XPR1: variants seen among roughly 807,000 people sequenced by gnomAD.
The protein encoded by XPR1 is xenotropic and polytropic retrovirus receptor 1, also known as solute carrier family 53 member 1.
In XPR1, 28 loss-of-function variants were observed where a neutral mutation model predicts 87.5. That is an observed-to-expected ratio of 0.32 (90% CI 0.24 to 0.44). XPR1 has a LOEUF of 0.44. Among genes scored for constraint, XPR1 ranks in the 20% least tolerant of loss-of-function variants. The pLI is 1.00. For missense variants in XPR1, 559 were observed against 862.3 expected (o/e 0.65, Z 4.41); for synonymous variants, 300 against 306.1 (o/e 0.98, Z 0.21).
chr1:180,837,318 C>T (rs1003246261), intron 11 of XPR1, among the ~76,000 whole-genome samples: 1 of 152,200 alleles, frequency 6.6e-6, no homozygotes, highest in South Asian at 2.1e-4. Context: ...ATCTCACTTC[C>T]TTTTAGTAAA....
At chr1:180,852,522 A>G (rs773482480) in intron 11 of XPR1, among the ~76,000 whole-genome samples, 1 of 152,094 alleles carries the variant, frequency 6.6e-6, no homozygotes, top group Non-Finnish European at 1.5e-5. Flanking sequence ...TGAGAGAGAA[A>G]GAGACCACAG....
chr1:180,842,815 T>G (rs1053472094), intron 11 of XPR1, among the ~76,000 whole-genome samples: 2 of 152,232 alleles, frequency 1.3e-5, no homozygotes, highest in African/African-American at 4.8e-5. Context: ...TCTAAAATAT[T>G]TGTAAATTTT....
intron 11 of XPR1, among the ~76,000 whole-genome samples, chr1:180,855,078 GC>G (rs1373333523): frequency 6.6e-6 from 1 of 152,158 alleles, no homozygotes; most frequent in East Asian, 1.9e-4. Flanking sequence ...CTAGAAAAAT[GC>G]TGATGTGAGA....
rs141045170 is a variant in XPR1 at position 180,801,359 on chromosome 1, T to A, written c.224-2029T>A. 2.9e-3 allele frequency among the ~76,000 whole-genome samples: 442 copies of A among 152,236 alleles called. 4 individuals carry two copies. Among genetic ancestry groups the A allele is most frequent in the African/African-American group, 9.6e-3 (400 of 41,544 alleles). On this transcript the variant is annotated intron_variant, in intron 3 of 14. Transcript: ENST00000367590. ...GATTGGTGTTGGAGAGGCGTAAGAG[T>A]GGTCCCTAGGAGCTAAAAGCAGGTC...
chr1:180,785,275 C>A (rs1204026275), intron 2 of XPR1, among the ~76,000 whole-genome samples: 1 of 151,912 alleles, frequency 6.6e-6, no homozygotes. Context: ...GCCTCAGCCT[C>A]CCGAGTAGCT....
At chr1:180,789,732 T>C (rs1042585410) in intron 3 of XPR1, among the ~76,000 whole-genome samples, 2 of 152,036 alleles carry the variant, frequency 1.3e-5, no homozygotes, top group Non-Finnish European at 2.9e-5. Context: ...ATTATTTTCT[T>C]CTCCATCAAT....
chr1:180,714,675 G>C (rs1657928422), intron 2 of XPR1, among the ~76,000 whole-genome samples: 1 of 152,066 alleles, frequency 6.6e-6, no homozygotes, highest in African/African-American at 2.4e-5. Context: ...AAAGTGCTCA[G>C]ATTACAGGTG....
At chr1:180,679,240 G>T (rs1656477505) in intron 1 of XPR1, among the ~76,000 whole-genome samples, 4 of 151,930 alleles carry the variant, frequency 2.6e-5, no homozygotes, top group Admixed American at 2.6e-4. Flanking sequence ...GGGTTACCAT[G>T]GAAGTTTACT....
At chr1:180,879,073 A>G (rs1227259576) in intron 13 of XPR1, among the ~76,000 whole-genome samples, 2 of 152,222 alleles carry the variant, frequency 1.3e-5, no homozygotes, top group Non-Finnish European at 2.9e-5. Context: ...TGCATCTCTG[A>G]TCTTAGTAAA....
At chr1:180,713,520 T>G (rs921246382) in intron 2 of XPR1, among the ~76,000 whole-genome samples, 2 of 152,214 alleles carry the variant, frequency 1.3e-5, no homozygotes, top group South Asian at 4.1e-4. Context: ...GAATCTCTAA[T>G]GCAATGTTGG....
intron 2 of XPR1, among the ~76,000 whole-genome samples, chr1:180,738,653 A>G (rs1339859315): frequency 2.0e-5 from 3 of 152,152 alleles, no homozygotes; most frequent in Non-Finnish European, 4.4e-5. Flanking sequence ...CTATGGGCTC[A>G]TGGTATTAAA....
At chr1:180,779,597 A>G (rs1164711584) in intron 2 of XPR1, among the ~76,000 whole-genome samples, 1 of 151,986 alleles carries the variant, frequency 6.6e-6, no homozygotes, top group African/African-American at 2.4e-5. Context: ...TCTAGTAGAA[A>G]TACAAAAATT....
At chr1:180,738,992 A>AAGTTTTAT (rs1313416159) in intron 2 of XPR1, among the ~76,000 whole-genome samples, 4 of 151,866 alleles carry the variant, frequency 2.6e-5, no homozygotes, top group Admixed American at 2.6e-4. Flanking sequence ...TTTCTTCTAA[A>AAGTTTTAT]AGTTTTATAG....
rs190939416 is a variant in XPR1, at chr1:180,838,136, T to C, written c.1501+1420T>C. Among the ~76,000 whole-genome samples, 442 of 152,270 alleles carry C rather than the reference T, an allele frequency of 2.9e-3. 3 individuals are homozygous for C. The highest frequency in any genetic ancestry group is 9.6e-3 in the African/African-American group (399 of 41,560). On this transcript the variant is annotated intron_variant, in intron 11 of 14. Transcript: ENST00000367590. ...ATAAAGTAAATGGTCTATTAACACA[T>C]ATTTGGTATGTCATGTGTATTATAT...
chr1:180,843,858 A>C (rs1001792349), intron 11 of XPR1, among the ~76,000 whole-genome samples: 2 of 152,334 alleles, frequency 1.3e-5, no homozygotes, highest in Admixed American at 6.5e-5. Flanking sequence ...CAAAAGTTTA[A>C]AGTTTAAAAA....
chr1:180,745,911 A>G (rs1409423283), intron 2 of XPR1, among the ~76,000 whole-genome samples: 6 of 152,214 alleles, frequency 3.9e-5, no homozygotes, highest in African/African-American at 7.2e-5. Flanking sequence ...TTCAGAACCA[A>G]AACTTTGCTT....
chr1:180,704,996 T>C (rs1657511633), intron 2 of XPR1, among the ~76,000 whole-genome samples: 1 of 151,542 alleles, frequency 6.6e-6, no homozygotes, highest in Admixed American at 6.6e-5. Context: ...TAAATGTATA[T>C]ATATATTTTA....
chr1:180,844,730 G>A (rs1316548704), intron 11 of XPR1, among the ~76,000 whole-genome samples: 2 of 152,260 alleles, frequency 1.3e-5, no homozygotes, highest in Non-Finnish European at 2.9e-5. Context: ...CTCACTGCAG[G>A]TTGGGTTTGG....
At chr1:180,719,624 C>T (rs1658112497) in intron 2 of XPR1, among the ~76,000 whole-genome samples, 1 of 151,940 alleles carries the variant, frequency 6.6e-6, no homozygotes, top group East Asian at 1.9e-4. Flanking sequence ...AATAATTGTA[C>T]ATATTTGTGG....
Sources: allele counts gnomAD v4.1 joint callset (sites outside exome capture counted in the v4.1 genomes callset), GRCh38; gene constraint gnomAD v4.1.1; transcripts MANE v1.5; gene names NCBI Gene and HGNC (gene_info 2026-07-23, HGNC 2026-07-21).